The following RAP1GAP2 variants were observed in gnomAD, a reference collection of about 807,000 sequenced individuals.
RAP1GAP2 encodes the protein RAP1 GTPase activating protein 2, also known as rap1 GTPase-activating protein 2.
Under a neutral mutation model 95.0 loss-of-function variants are expected in RAP1GAP2, and 27 were observed. The ratio of observed to expected loss-of-function variants is 0.28; its 90% CI spans 0.21 to 0.39. RAP1GAP2 has a LOEUF of 0.39. Ranked by LOEUF, RAP1GAP2 falls within the 10% of genes least tolerant of loss-of-function variation. RAP1GAP2 has a pLI of 1.00. For missense variants in RAP1GAP2, 771 were observed against 970.0 expected (o/e 0.79, Z 2.72); for synonymous variants, 373 against 380.9 (o/e 0.98, Z 0.24).
At position 2,977,746 on chromosome 17, in the gene RAP1GAP2, T is replaced by TA. The variant is rs35219186; in HGVS notation, c.597-2515dup. On this transcript the variant is annotated intron_variant, in intron 8 of 24. Transcript: ENST00000254695. ...GGCGACAGAGTGAGAGACTCCGTCT[T>TA]AAAAAAAAAAAAAAAAAAAAAAAAA... Among the ~76,000 whole-genome samples, 617 of 76,810 alleles carry TA rather than the reference T, an allele frequency of 8.0e-3. 16 individuals are homozygous for TA. The highest frequency in any genetic ancestry group is 0.03 in the Admixed American group (182 of 6,068). The allele number at this position is 76,810 out of a possible 152,430, so 50.4% of individuals were successfully genotyped here.
chr17:2,971,935 A>C (rs953030383), intron 8 of RAP1GAP2, among the ~76,000 whole-genome samples: 4 of 152,250 alleles, frequency 2.6e-5, no homozygotes, highest in Admixed American at 6.5e-5. Context: ...TCGAATATAG[A>C]TGAGAAGAGA....
chr17:2,853,817 G>A lies in RAP1GAP2; in HGVS notation c.81-51467G>A, dbSNP rs140644822. On this transcript the variant is annotated intron_variant, in intron 2 of 24. Coordinates refer to ENST00000254695, the MANE Select transcript of RAP1GAP2 (RefSeq NM_015085.5). ...CCCCGAGGAGACGCTGAAGGTCGCC[G>A]GGAGGGAGGGGAGAGCGCGCGGTCA... is the stretch of plus-strand genomic sequence containing the variant. 4.3e-5 allele frequency: 26 copies of A among 605,196 alleles called. No homozygotes were observed. The African/African-American group carries it at 5.2e-4, about 12-fold the overall frequency. 37.5% of individuals were successfully genotyped at this position (605,196 alleles called of 1,614,324 possible). A position where few individuals can be genotyped will look rare whatever the true frequency, so the allele number is the denominator to read the frequency against.
chr17:3,019,343 C>A (rs1273677847), intron 18 of RAP1GAP2, among the ~76,000 whole-genome samples: 1 of 152,058 alleles, frequency 6.6e-6, no homozygotes, highest in Non-Finnish European at 1.5e-5. Context: ...GAGACCCCAT[C>A]TCTACAAAAA....
chr17:2,804,873 C>T (rs576447427), intron 2 of RAP1GAP2, among the ~76,000 whole-genome samples: 97 of 152,288 alleles, frequency 6.4e-4, no homozygotes, highest in Non-Finnish European at 1.1e-3. Flanking sequence ...TCAGTTTCCC[C>T]GTCTGTAAAG....
At chr17:2,955,165 G>A (rs1222855136) in intron 3 of RAP1GAP2, among the ~76,000 whole-genome samples, 2 of 152,164 alleles carry the variant, frequency 1.3e-5, no homozygotes, top group African/African-American at 2.4e-5. Context: ...GCTGAGTTGT[G>A]TGGTCATAAT....
At chr17:3,024,991 C>T (rs947622803) in intron 19 of RAP1GAP2, among the ~76,000 whole-genome samples, 1 of 152,160 alleles carries the variant, frequency 6.6e-6, no homozygotes, top group Non-Finnish European at 1.5e-5. Context: ...AGTTGCACAA[C>T]TCTGAATAAA....
chr17:2,844,113 T>C (rs992400513), intron 2 of RAP1GAP2, among the ~76,000 whole-genome samples: 38 of 152,132 alleles, frequency 2.5e-4, no homozygotes, highest in Admixed American at 1.3e-4. Flanking sequence ...CTCTGCCTCC[T>C]GGGTTCACGC....
chr17:2,995,588 C>T, intron 13 of RAP1GAP2, 122 bp downstream of exon 13: 4 of 1,335,514 alleles, frequency 3.0e-6, no homozygotes, highest in Non-Finnish European at 4.1e-6. Flanking sequence ...GCCATTCGTT[C>T]AGCTGCGCAG....
chr17:3,002,356 G>A (rs1228624560), intron 14 of RAP1GAP2, among the ~76,000 whole-genome samples: 1 of 152,188 alleles, frequency 6.6e-6, no homozygotes, highest in East Asian at 1.9e-4. Context: ...AGCAGGCTGT[G>A]GTACCTTGAT....
At position 3,004,730 on chromosome 17, in the gene RAP1GAP2, G is replaced by A. The variant is rs1597851303; in HGVS notation, c.1201-639G>A. Among the ~76,000 whole-genome samples the A allele has an allele frequency of 6.6e-6, 1 of 152,376 alleles. No homozygotes were observed. The highest frequency in any genetic ancestry group is 2.1e-4 in the South Asian group (1 of 4,834). Reference sequence around the variant, plus strand: ...GTGTGGGGCCAGGGCTCCCGAACACGGGTCCACCGGCTGCACGAGAGTTTC... The same window carrying A: ...GTGTGGGGCCAGGGCTCCCGAACACAGGTCCACCGGCTGCACGAGAGTTTC... On this transcript the variant is annotated intron_variant, in intron 14 of 24. Transcript: ENST00000254695. This position sits in a 1 kb window ranked among gnomAD's most constrained non-coding sequence, Gnocchi z 4.1.
Position 3,005,423 on chromosome 17 carries a change from C to A in RAP1GAP2, c.1255C>A (p.Pro419Thr), listed in dbSNP as rs371060005. Reference protein sequence around the residue: ...VPTFGPPLPSPPVFQKGPEFR... With the variant: ...VPTFGPPLPSTPVFQKGPEFR... ...CACCTTTGGTCCACCTCTGCCCAGT[C>A]CCCCCGTTTTCCAGAAGGTAGGACA... Residue 419 changes from proline to threonine, a missense_variant, in exon 15 of 25, where the codon CCC becomes ACC. Coordinates refer to ENST00000254695, the MANE Select transcript of RAP1GAP2 (RefSeq NM_015085.5). This position sits in a 1 kb window ranked among gnomAD's most constrained non-coding sequence, Gnocchi z 5.2. 19 of 1,613,068 alleles carry A rather than the reference C, an allele frequency of 1.2e-5. 1 individual carries two copies. In the Middle Eastern group the frequency reaches 4.9e-4, roughly 42 times the overall value.
At chr17:2,989,540 C>G (rs536210813) in intron 11 of RAP1GAP2, among the ~76,000 whole-genome samples, 1 of 152,148 alleles carries the variant, frequency 6.6e-6, no homozygotes, top group African/African-American at 2.4e-5. Flanking sequence ...GCCATGTTGG[C>G]CAGGCTGGTT....
intron 21 of RAP1GAP2, 41 bp from the exon 22 acceptor site, chr17:3,026,903 C>T (rs1338795954): frequency 4.0e-5 from 62 of 1,536,980 alleles, no homozygotes; most frequent in Non-Finnish European, 4.8e-5. Flanking sequence ...GCGCAGCTGC[C>T]GAGGGTGGGC....
chr17:2,788,091 A>G (rs191671469), intron 1 of RAP1GAP2, among the ~76,000 whole-genome samples: 2 of 152,334 alleles, frequency 1.3e-5, no homozygotes, highest in Admixed American at 1.3e-4. Flanking sequence ...GTATGAGTTA[A>G]CCTGTGCAAT....
intron 2 of RAP1GAP2, among the ~76,000 whole-genome samples, chr17:2,869,374 A>G (rs941785134): frequency 7.2e-5 from 11 of 152,056 alleles, no homozygotes; most frequent in Non-Finnish European, 1.2e-4. Context: ...GAAATGGACA[A>G]TGGGGTTAGT....
intron 14 of RAP1GAP2, among the ~76,000 whole-genome samples, chr17:3,000,315 G>A (rs2046109528): frequency 6.6e-6 from 1 of 152,236 alleles, no homozygotes; most frequent in Non-Finnish European, 1.5e-5. Flanking sequence ...ACAGCTGCTC[G>A]ATTCAAGTGT....
chr17:3,015,478 C>A (rs770745003), intron 17 of RAP1GAP2, among the ~76,000 whole-genome samples: 1 of 152,136 alleles, frequency 6.6e-6, no homozygotes, highest in Non-Finnish European at 1.5e-5. Flanking sequence ...GGAGCAGCAG[C>A]CCTGCCATTT....
At chr17:2,839,785 A>G (rs1342084588) in intron 2 of RAP1GAP2, among the ~76,000 whole-genome samples, 1 of 152,132 alleles carries the variant, frequency 6.6e-6, no homozygotes, top group Non-Finnish European at 1.5e-5. Context: ...TAGACCAGGT[A>G]TAGAACCATT....
intron 17 of RAP1GAP2, among the ~76,000 whole-genome samples, chr17:3,014,837 G>A (rs759447356): frequency 2.0e-5 from 3 of 152,130 alleles, no homozygotes; most frequent in African/African-American, 4.8e-5. Context: ...GATTACAGGC[G>A]TGAGCCATCG....
Sources: gnomAD v4.1 joint callset for allele counts (sites outside exome capture counted in the v4.1 genomes callset) on GRCh38, gnomAD v4.1.1 for gene constraint, Gnocchi (gnomAD v3.1) non-coding constraint, MANE v1.5 for transcripts, NCBI Gene and HGNC (gene_info 2026-07-23, HGNC 2026-07-21) for gene names.